The following ANOS1 variants were observed in gnomAD, a reference collection of about 807,000 sequenced individuals.
The protein encoded by ANOS1 is anosmin 1.
A neutral mutation model predicts 59.0 loss-of-function variants in ANOS1; 6 were observed. The observed-to-expected ratio is 0.10, with a 90% CI of 0.06 to 0.20. The LOEUF is 0.20. Ranked by LOEUF, ANOS1 falls within the 10% of genes least tolerant of loss-of-function variation. The pLI is 1.00. For missense variants in ANOS1, 433 were observed against 542.3 expected (o/e 0.80, Z 2.00); for synonymous variants, 217 against 223.4 (o/e 0.97, Z 0.25).
chrX:8,644,107 T>A (rs775458031), intron 2 of ANOS1, among the ~76,000 whole-genome samples: 2 of 111,980 alleles, frequency 1.8e-5, no homozygotes, highest in Admixed American at 9.5e-5. Context: ...TCAGAATAAA[T>A]CTCTTCAAAT....
chrX:8,699,834 T>C (rs1602031992), intron 1 of ANOS1, 89 bp from the exon 2 acceptor site: 5 of 670,147 alleles, frequency 7.5e-6, no homozygotes, highest in Non-Finnish European at 1.1e-5. Flanking sequence ...ATGCATATAA[T>C]TTTTGAATAT....
chrX:8,704,547 T>C (rs941013805), intron 1 of ANOS1, among the ~76,000 whole-genome samples: 3 of 112,424 alleles, frequency 2.7e-5, no homozygotes, highest in Non-Finnish European at 5.6e-5. Flanking sequence ...ATCAATACAT[T>C]GCGTTGAGCA....
At chrX:8,637,976 G>C (rs1370490454) in intron 2 of ANOS1, among the ~76,000 whole-genome samples, 5 of 112,064 alleles carry the variant, frequency 4.5e-5, no homozygotes, top group Non-Finnish European at 7.5e-5. Context: ...TCATTCTCCA[G>C]CTTCCTGGGT....
intron 2 of ANOS1, among the ~76,000 whole-genome samples, chrX:8,684,449 G>A (rs1210844836): frequency 9.0e-6 from 1 of 111,250 alleles, no homozygotes; most frequent in Non-Finnish European, 1.9e-5. Context: ...CCCCAGAGTC[G>A]GTACACTGTG....
chrX:8,699,133 T>G (rs1355299211), intron 2 of ANOS1, among the ~76,000 whole-genome samples: 2 of 111,332 alleles, frequency 1.8e-5, no homozygotes, highest in African/African-American at 6.5e-5. Flanking sequence ...AAACAAAGAT[T>G]TTGGTGTATT....
Position 8,529,872 on chromosome X carries a change from C to T in ANOS1, c.*3123G>A, listed in dbSNP as rs1472208407. The stretch of plus-strand genomic sequence containing the variant: ...GAGAAAGTGTGGATGCTACTAAAAA[C>T]CTACAGTGCACAAGACAAACCCCCA... On this transcript the variant is annotated 3_prime_UTR_variant, in exon 14 of 14. Transcript: ENST00000262648. 1 of 111,365 alleles carries T rather than the reference C, an allele frequency of 9.0e-6. No homozygotes were observed. The highest frequency in any genetic ancestry group is 3.3e-5 in the African/African-American group (1 of 30,594). 9.2% of individuals were successfully genotyped at this position (111,365 alleles called of 1,213,427 possible).
intron 8 of ANOS1, among the ~76,000 whole-genome samples, chrX:8,559,969 T>C (rs778712919): frequency 8.9e-6 from 1 of 112,208 alleles, no homozygotes; most frequent in East Asian, 2.8e-4. Context: ...CTGCCTAATA[T>C]GTATTGGATG....
At position 8,685,604 on chromosome X, in the gene ANOS1, GAAAGAAAGAAAGA is replaced by G. The variant is rs1569082584; in HGVS notation, c.255+14081_255+14093del. Among the ~76,000 whole-genome samples the G allele has an allele frequency of 4.9e-3, 322 of 65,697 alleles. 1 individual carries two copies. Among genetic ancestry groups the G allele is most frequent in the Middle Eastern group, 0.034 (4 of 117 alleles). 57.0% of individuals were successfully genotyped at this position (65,697 alleles called of 115,157 possible). A position where few individuals can be genotyped will look rare whatever the true frequency, so the allele number is the denominator to read the frequency against. ...AAAGAAAGAGAAAGAAAGGAAGAAA[GAAAGAAAGAAAGA>G]AAGAAAGAAAGAAAGAAAGAAAGAA... On this transcript the variant is annotated intron_variant, in intron 2 of 13. Coordinates refer to ENST00000262648, the MANE Select transcript of ANOS1 (RefSeq NM_000216.4).
chrX:8,649,054 G>A (rs956730136), intron 2 of ANOS1, among the ~76,000 whole-genome samples: 8 of 111,628 alleles, frequency 7.2e-5, no homozygotes, highest in African/African-American at 2.6e-4. Flanking sequence ...ACAGAAAGGT[G>A]TTAAGAAGTG....
intron 6 of ANOS1, among the ~76,000 whole-genome samples, chrX:8,574,257 GT>G (rs1302936960): frequency 2.9e-4 from 31 of 107,541 alleles, no homozygotes; most frequent in African/African-American, 1.0e-3. Flanking sequence ...CCTGCTGCAG[GT>G]GGTGACCCTA....
At chrX:8,685,235 T>C (rs747827162) in intron 2 of ANOS1, among the ~76,000 whole-genome samples, 11 of 111,026 alleles carry the variant, frequency 9.9e-5, no homozygotes, top group Admixed American at 9.7e-5. Context: ...AATATACACA[T>C]TGACACCAAC....
chrX:8,551,974 A>G (rs1569046293), intron 9 of ANOS1, among the ~76,000 whole-genome samples: 3 of 112,660 alleles, frequency 2.7e-5, no homozygotes, highest in African/African-American at 9.7e-5. Flanking sequence ...CTGTGTCTCA[A>G]CAAACAAACA....
intron 6 of ANOS1, among the ~76,000 whole-genome samples, chrX:8,577,839 A>G (rs910437766): frequency 9.0e-6 from 1 of 111,717 alleles, no homozygotes; most frequent in African/African-American, 3.3e-5. Flanking sequence ...ATGCAGGCCT[A>G]TTATTGCACT....
chrX:8,578,110 C>T (rs184985051), intron 6 of ANOS1, among the ~76,000 whole-genome samples: 30 of 111,127 alleles, frequency 2.7e-4, no homozygotes, highest in African/African-American at 8.2e-4. Flanking sequence ...GATTAAACTT[C>T]GCACTGAAAC....
chrX:8,550,889 G>C (rs1040933060), intron 9 of ANOS1, among the ~76,000 whole-genome samples: 1 of 111,508 alleles, frequency 9.0e-6, no homozygotes, highest in African/African-American at 3.3e-5. Flanking sequence ...ATCTCATCTT[G>C]AATTGTAGCT....
intron 1 of ANOS1, among the ~76,000 whole-genome samples, chrX:8,715,444 CTTT>C (rs79202549): frequency 1.0e-5 from 1 of 95,538 alleles, no homozygotes. Context: ...TTTTCTTTTT[CTTT>C]TTTTTTTTTT....
chrX:8,536,673 T>C, intron 11 of ANOS1, 98 bp downstream of exon 11: 1 of 645,181 alleles, frequency 1.5e-6, no homozygotes, highest in Non-Finnish European at 2.5e-6. Context: ...GAGGCACTTT[T>C]GGTTTTCACG....
intron 9 of ANOS1, 127 bp downstream of exon 9, chrX:8,553,825 G>C: frequency 1.8e-6 from 1 of 567,982 alleles, no homozygotes; most frequent in South Asian, 2.6e-5. Context: ...AACTCATTCA[G>C]ACTTGTGTTC....
At chrX:8,622,466 T>C (rs747713528) in intron 3 of ANOS1, among the ~76,000 whole-genome samples, 1 of 112,210 alleles carries the variant, frequency 8.9e-6, no homozygotes, top group Admixed American at 9.4e-5. Flanking sequence ...TTATTTGCTA[T>C]AGTGGATGAA....
Sources: allele counts gnomAD v4.1 joint callset (sites outside exome capture counted in the v4.1 genomes callset), GRCh38; gene constraint gnomAD v4.1.1; transcripts MANE v1.5; gene names NCBI Gene and HGNC (gene_info 2026-07-23, HGNC 2026-07-21).